Variants in DAGLA observed in about 807,000 individuals in gnomAD.
DAGLA encodes the protein diacylglycerol lipase alpha, also known as diacylglycerol lipase-alpha.
In DAGLA, 22 loss-of-function variants were observed where a neutral mutation model predicts 102.6. The ratio of observed to expected loss-of-function variants is 0.21; its 90% CI spans 0.15 to 0.31. The LOEUF is 0.31. Ranked by LOEUF, DAGLA falls within the 10% of genes least tolerant of loss-of-function variation. The pLI, the probability that DAGLA is intolerant of heterozygous loss-of-function variation, is 1.00. For missense variants in DAGLA, 927 were observed against 1,446.6 expected (o/e 0.64, Z 5.83); for synonymous variants, 578 against 628.9 (o/e 0.92, Z 1.21).
chr11:61,725,924 A>G (rs895310805), intron 5 of DAGLA, 71 bp from the exon 6 acceptor site: 2 of 1,426,598 alleles, frequency 1.4e-6, no homozygotes, highest in Admixed American at 1.7e-5. Flanking sequence ...CCCTGTTTCC[A>G]TAACGTCTGG....
rs964510930 is a variant in DAGLA at position 61,734,359 on chromosome 11, A to G, written c.975-490A>G. ...GGAGGGTTGGGGTACACAAGCAGGG[A>G]AGGGGTTTGAGAGCTGGCAGGGTGT... On this transcript the variant is annotated intron_variant, in intron 9 of 19. Coordinates refer to ENST00000257215, the MANE Select transcript of DAGLA (RefSeq NM_006133.3). This position sits in a 1 kb window ranked among gnomAD's most constrained non-coding sequence, Gnocchi z 4.2. Among the ~76,000 whole-genome samples, 1 of 151,740 alleles carries G rather than the reference A, an allele frequency of 6.6e-6. No individual in the cohort carries two copies. Among genetic ancestry groups the G allele is most frequent in the Non-Finnish European group, 1.5e-5 (1 of 67,964 alleles).
chr11:61,713,426 G>A (rs1247892325), intron 1 of DAGLA, among the ~76,000 whole-genome samples: 3 of 152,188 alleles, frequency 2.0e-5, no homozygotes, highest in Non-Finnish European at 1.5e-5. Flanking sequence ...ATAGATGTGC[G>A]CCGAGACCTT....
intron 8 of DAGLA, among the ~76,000 whole-genome samples, chr11:61,731,092 C>CT (rs2065369888): frequency 6.6e-6 from 1 of 152,242 alleles, no homozygotes; most frequent in African/African-American, 2.4e-5. Context: ...GGACAGGTCT[C>CT]TGAGGATTCG....
chr11:61,744,487 T>C lies in DAGLA; in HGVS notation c.3127T>C (p.Ter1043GlnextTer29), dbSNP rs376927008. 15 of 1,554,046 alleles carry C rather than the reference T, an allele frequency of 9.7e-6. No homozygotes were observed. Among genetic ancestry groups the C allele is most frequent in the Non-Finnish European group, 1.3e-5 (15 of 1,147,204 alleles). Residue 1043 changes from the stop codon to glutamine, a stop_lost, in exon 20 of 20, where the codon TAG (stop) becomes CAG (glutamine). Coordinates refer to ENST00000257215, the MANE Select transcript of DAGLA (RefSeq NM_006133.3). ...KQDELVISAR* is the reference protein window; with the variant it reads ...KQDELVISARQ Reference sequence around the variant, plus strand: ...AGATGAGCTGGTCATCTCAGCACGCTAGCACCCCAGTTGCGTGGCCAGCCG... The same window carrying C: ...AGATGAGCTGGTCATCTCAGCACGCCAGCACCCCAGTTGCGTGGCCAGCCG...
intron 1 of DAGLA, among the ~76,000 whole-genome samples, chr11:61,683,656 C>T (rs2064963007): frequency 6.6e-6 from 1 of 152,140 alleles, no homozygotes; most frequent in African/African-American, 2.4e-5. Context: ...GATGCTGGGA[C>T]TGCCCACCAG....
rs1321223829 is a variant in DAGLA at position 61,744,837 on chromosome 11, A to G, written c.*348A>G. The G allele has an allele frequency of 4.3e-6, 1 of 235,290 alleles. No individual in the cohort carries two copies. The highest frequency in any genetic ancestry group is 2.3e-5 in the African/African-American group (1 of 44,242). The allele number at this position is 235,290 out of a possible 1,614,324, so 14.6% of individuals were successfully genotyped here. A position where few individuals can be genotyped will look rare whatever the true frequency, so the allele number is the denominator to read the frequency against. Reference sequence around the variant, plus strand: ...ACAGGCCATGGGCAAGCTGCCTCCCATCACTGCCTGCTGGCTGCTCTCCCA... The same window carrying G: ...ACAGGCCATGGGCAAGCTGCCTCCCGTCACTGCCTGCTGGCTGCTCTCCCA... On this transcript the variant is annotated 3_prime_UTR_variant, in exon 20 of 20. Coordinates refer to ENST00000257215, the MANE Select transcript of DAGLA (RefSeq NM_006133.3).
intron 1 of DAGLA, among the ~76,000 whole-genome samples, chr11:61,702,080 TA>T (rs1182265220): frequency 2.6e-5 from 4 of 152,060 alleles, no homozygotes; most frequent in African/African-American, 7.3e-5. Flanking sequence ...CTGGCTAAAT[TA>T]AAAAAAATTT....
chr11:61,735,961 C>A, intron 12 of DAGLA, 145 bp downstream of exon 12: 1 of 804,980 alleles, frequency 1.2e-6, no homozygotes, highest in Non-Finnish European at 1.9e-6. Context: ...GTCTGGAAGG[C>A]CCGTTGCGGC....
intron 1 of DAGLA, among the ~76,000 whole-genome samples, chr11:61,709,119 G>C (rs1424724666): frequency 6.6e-6 from 1 of 152,162 alleles, no homozygotes; most frequent in Non-Finnish European, 1.5e-5. Flanking sequence ...GTAGCCCCCA[G>C]GCTCTCTCCT....
In DAGLA at chr11:61,730,535, G is replaced by A. The variant is rs574912992; in HGVS notation, c.850-782G>A. On this transcript the variant is annotated intron_variant, in intron 8 of 19. Coordinates refer to ENST00000257215, the MANE Select transcript of DAGLA (RefSeq NM_006133.3). ...AACCACCCTCCTTAACTTTTACAAGGTGACTAATTCCCTCTCCCGGTGCCT... is the reference window on the plus strand; with the variant it reads ...AACCACCCTCCTTAACTTTTACAAGATGACTAATTCCCTCTCCCGGTGCCT... Among the ~76,000 whole-genome samples the A allele has an allele frequency of 4.6e-5, 7 of 152,250 alleles. No homozygotes were observed. In the East Asian group the frequency reaches 1.4e-3, roughly 30 times the overall value.
chr11:61,737,353 T>G lies in DAGLA; in HGVS notation c.1514+29T>G, dbSNP rs1298714168. The G allele has an allele frequency of 1.9e-6, 3 of 1,606,440 alleles. No individual in the cohort carries two copies. The South Asian group carries it at 3.3e-5, about 18-fold the overall frequency. On this transcript the variant is annotated intron_variant, in intron 14 of 19. Transcript: ENST00000257215. ...AGCCATCTGGGGCTTCAGAGTTGGC[T>G]GGGGCAGTTGGGACCAGTGGAGGCT...
rs760722583 is a variant in DAGLA, at chr11:61,737,744, C to T, written c.1572C>T (p.Asp524=). The T allele has an allele frequency of 1.2e-6, 2 of 1,614,024 alleles. No homozygotes were observed. The highest frequency in any genetic ancestry group is 1.7e-6 in the Non-Finnish European group (2 of 1,179,918). Residue 524 remains aspartate, a synonymous_variant, in exon 15 of 20, where the codon GAC becomes GAT. Transcript: ENST00000257215. ...TGACTGCTGTGGTTCTGGGCAAAGA[C>T]CTCGTCCCCAGGTGAGTCCTTGGCC... is the stretch of plus-strand genomic sequence containing the variant. ...EFVTAVVLGK[D]LVPRIGLSQL... is the part of the protein sequence containing the mutation.
rs551741916 is a variant in DAGLA at position 61,700,118 on chromosome 11, G to A, written c.-45+19614G>A. On this transcript the variant is annotated intron_variant, in intron 1 of 19. Coordinates refer to ENST00000257215, the MANE Select transcript of DAGLA (RefSeq NM_006133.3). ...GCATGCCTGGCGTGCCAGGGCAGCG[G>A]CAGCAGCAGCCGGACTGTCAGTAAG... Among the ~76,000 whole-genome samples, 160 of 152,342 alleles carry A rather than the reference G, an allele frequency of 1.1e-3. 1 individual carries two copies. Among genetic ancestry groups the A allele is most frequent in the African/African-American group, 3.5e-3 (146 of 41,586 alleles).
chr11:61,735,881 G>C lies in DAGLA; in HGVS notation c.1290+65G>C, dbSNP rs905268919. On this transcript the variant is annotated intron_variant, in intron 12 of 19. Coordinates refer to ENST00000257215, the MANE Select transcript of DAGLA (RefSeq NM_006133.3). ...TCCTGCCCTGCCAGTGTGCAGAGGCGTGTATGGTTGGGGGTTCCTCCCTGC... is the reference window on the plus strand; with the variant it reads ...TCCTGCCCTGCCAGTGTGCAGAGGCCTGTATGGTTGGGGGTTCCTCCCTGC... 4.9e-5 allele frequency: 70 copies of C among 1,440,122 alleles called. No individual in the cohort carries two copies. The South Asian group carries it at 8.5e-4, about 17-fold the overall frequency. 89.2% of individuals were successfully genotyped at this position (1,440,122 alleles called of 1,614,324 possible).
At chr11:61,717,580 G>A (rs763725779) in intron 1 of DAGLA, among the ~76,000 whole-genome samples, 4 of 152,248 alleles carry the variant, frequency 2.6e-5, no homozygotes, top group Non-Finnish European at 5.9e-5. Flanking sequence ...ACATTTTACA[G>A]TTGAGGAAAC....
intron 1 of DAGLA, among the ~76,000 whole-genome samples, chr11:61,697,902 G>A (rs2065079682): frequency 6.6e-6 from 1 of 152,118 alleles, no homozygotes; most frequent in Admixed American, 6.6e-5. Context: ...TCTGCAGTGA[G>A]GAGCAGTGCC....
At chr11:61,740,694 G>T in intron 18 of DAGLA, 102 bp downstream of exon 18, 1 of 1,480,958 alleles carries the variant, frequency 6.8e-7, no homozygotes. Context: ...TACAGACAAG[G>T]GTGCTGGGGC....
At chr11:61,743,445 C>A in intron 19 of DAGLA, 87 bp from the exon 20 acceptor site, 1 of 1,029,604 alleles carries the variant, frequency 9.7e-7, no homozygotes, top group Non-Finnish European at 1.4e-6. Flanking sequence ...CCTTTATTCC[C>A]TGCAAGTTCC....
chr11:61,739,844 G>A (rs1368707714), intron 17 of DAGLA, among the ~76,000 whole-genome samples, 183 bp downstream of exon 17: 1 of 152,224 alleles, frequency 6.6e-6, no homozygotes, highest in African/African-American at 2.4e-5. Flanking sequence ...CAAAAGGCCA[G>A]CCCTGAGCAG....
Sources: allele counts gnomAD v4.1 joint callset (sites outside exome capture counted in the v4.1 genomes callset), GRCh38; gene constraint gnomAD v4.1.1; non-coding constraint Gnocchi (gnomAD v3.1); transcripts MANE v1.5; gene names NCBI Gene and HGNC (gene_info 2026-07-23, HGNC 2026-07-21).